TMEM184B: variants seen among roughly 807,000 people sequenced by gnomAD.
TMEM184B encodes the protein transmembrane protein 184B, also known as putative MAPK-activating protein FM08.
In TMEM184B, 17 loss-of-function variants were observed where a neutral mutation model predicts 41.8. That is an observed-to-expected ratio of 0.41 (90% CI 0.28 to 0.61). The LOEUF (loss-of-function observed/expected upper bound fraction) is 0.61. Among genes scored for constraint, TMEM184B ranks in the 20% least tolerant of loss-of-function variants. TMEM184B has a pLI of 0.34. For synonymous variants in TMEM184B, 240 were observed against 229.5 expected (o/e 1.05, Z -0.41); for missense variants, 393 against 557.8 (o/e 0.70, Z 2.98).
chr22:38,247,807 A>C lies in TMEM184B; in HGVS notation c.155T>G (p.Phe52Cys), dbSNP rs1203479339. The change falls in exon 2 of 9, where the codon TTC (phenylalanine) becomes TGC (cysteine). Residue 52 changes from phenylalanine to cysteine, a missense_variant. Coordinates refer to ENST00000361906, the MANE Select transcript of TMEM184B (RefSeq NM_012264.5). The stretch of plus-strand genomic sequence containing the variant: ...GATGAGCAGGGCCGTCCACACGAAG[A>C]AGCCAGAGATGGCCTGAGCGGCAGT... ...MTTAAQAISGFFVWTALLITC... is the reference protein window; with the variant it reads ...MTTAAQAISGCFVWTALLITC... 1.2e-6 allele frequency: 2 copies of C among 1,614,036 alleles called. No individual in the cohort carries two copies. Among genetic ancestry groups the C allele is most frequent in the South Asian group, 2.2e-5 (2 of 91,060 alleles).
intron 3 of TMEM184B, among the ~76,000 whole-genome samples, chr22:38,235,017 A>C (rs1315734929): frequency 6.6e-6 from 1 of 152,204 alleles, no homozygotes. Flanking sequence ...TGCTTTTTCC[A>C]GACTGTAAAC....
At chr22:38,224,677 T>C (rs2091374163) in intron 8 of TMEM184B, 108 bp downstream of exon 8, 1 of 1,169,182 alleles carries the variant, frequency 8.6e-7, no homozygotes, top group Non-Finnish European at 1.2e-6. Context: ...GGGGATCCCA[T>C]GTCCTGACCC....
chr22:38,254,269 A>C (rs1469967249), intron 1 of TMEM184B, among the ~76,000 whole-genome samples: 2 of 151,852 alleles, frequency 1.3e-5, no homozygotes, highest in African/African-American at 4.8e-5. Flanking sequence ...AAAATAGGCA[A>C]AATACATGAA....
rs181433604 is a variant in TMEM184B, at chr22:38,272,024, T to A, written c.-59+860A>T. ...TCTTTCCTTACAAAAGCACCAGCAG[T>A]CAGATAAATAATACATGGCCTTCAC... On this transcript the variant is annotated intron_variant, in intron 1 of 8. Coordinates refer to ENST00000361906, the MANE Select transcript of TMEM184B (RefSeq NM_012264.5). 5.5e-4 allele frequency among the ~76,000 whole-genome samples: 84 copies of A among 152,200 alleles called. 2 individuals are homozygous for A. In the East Asian group the frequency reaches 0.014, roughly 25 times the overall value.
chr22:38,245,710 A>G (rs1472421411), intron 3 of TMEM184B, among the ~76,000 whole-genome samples: 1 of 151,616 alleles, frequency 6.6e-6, no homozygotes, highest in Non-Finnish European at 1.5e-5. Context: ...AGCATTGAGA[A>G]GCGAGACCCA....
chr22:38,261,632 T>C (rs1469738031), intron 1 of TMEM184B, among the ~76,000 whole-genome samples: 1 of 152,200 alleles, frequency 6.6e-6, no homozygotes, highest in Non-Finnish European at 1.5e-5. Context: ...TTCTCTCAAA[T>C]TGAGAACAAT....
At position 38,225,736 on chromosome 22, in the gene TMEM184B, G is replaced by A; in HGVS notation, c.618-143C>T. On this transcript the variant is annotated intron_variant, in intron 6 of 8. Coordinates refer to ENST00000361906, the MANE Select transcript of TMEM184B (RefSeq NM_012264.5). This position sits in a 1 kb window ranked among gnomAD's most constrained non-coding sequence, Gnocchi z 4.4. ...CGAGCCACTGAAGGGGTCAGAATGG[G>A]TGATCAAAGCGACAGACAGGGGTGG... 1.1e-6 allele frequency: 1 copy of A among 932,582 alleles called. No individual in the cohort carries two copies. The highest frequency in any genetic ancestry group is 1.5e-6 in the Non-Finnish European group (1 of 663,894). The allele number at this position is 932,582 out of a possible 1,614,324, so 57.8% of individuals were successfully genotyped here.
intron 3 of TMEM184B, among the ~76,000 whole-genome samples, chr22:38,240,162 G>A (rs773121556): frequency 2.4e-4 from 36 of 152,114 alleles, no homozygotes; most frequent in South Asian, 8.3e-4. Context: ...TAACAAGAAG[G>A]TCAAAGACCA....
At chr22:38,227,149 C>G (rs1244869064) in intron 5 of TMEM184B, among the ~76,000 whole-genome samples, 2 of 151,838 alleles carry the variant, frequency 1.3e-5, no homozygotes, top group Non-Finnish European at 2.9e-5. Context: ...GGAGATGCAG[C>G]CAGCGCAATG....
At chr22:38,264,076 A>G (rs2092410073) in intron 1 of TMEM184B, among the ~76,000 whole-genome samples, 1 of 152,234 alleles carries the variant, frequency 6.6e-6, no homozygotes, top group Non-Finnish European at 1.5e-5. Flanking sequence ...AAGTGCTGGG[A>G]TTACAGGCGT....
chr22:38,244,239 G>A (rs966553132), intron 3 of TMEM184B, among the ~76,000 whole-genome samples: 8 of 152,088 alleles, frequency 5.3e-5, no homozygotes, highest in Non-Finnish European at 7.4e-5. Flanking sequence ...CCAGCTGCTT[G>A]GGGGATGAGC....
chr22:38,239,712 A>T lies in TMEM184B; in HGVS notation c.358+6223T>A, dbSNP rs1408956696. On this transcript the variant is annotated intron_variant, in intron 3 of 8. Coordinates refer to ENST00000361906, the MANE Select transcript of TMEM184B (RefSeq NM_012264.5). The surrounding 1 kb of genome is among the most constrained non-coding windows in gnomAD (Gnocchi z 4.6). ...GCAGTAATGGGACAACTTGGAGAAAATCCAAAGACTAAGCCTGAATACGAA... is the reference window on the plus strand; with the variant it reads ...GCAGTAATGGGACAACTTGGAGAAATTCCAAAGACTAAGCCTGAATACGAA... Among the ~76,000 whole-genome samples the T allele has an allele frequency of 6.6e-6, 1 of 152,204 alleles. No homozygotes were observed. Among genetic ancestry groups the T allele is most frequent in the Non-Finnish European group, 1.5e-5 (1 of 68,040 alleles).
Position 38,220,231 on chromosome 22 carries a change from G to A in TMEM184B, c.*1238C>T, listed in dbSNP as rs2091221940. 4 of 985,898 alleles carry A rather than the reference G, an allele frequency of 4.1e-6. No individual in the cohort carries two copies. Among genetic ancestry groups the A allele is most frequent in the Non-Finnish European group, 4.8e-6 (4 of 830,066 alleles). 61.1% of individuals were successfully genotyped at this position (985,898 alleles called of 1,614,324 possible). A position where few individuals can be genotyped will look rare whatever the true frequency, so the allele number is the denominator to read the frequency against. On this transcript the variant is annotated 3_prime_UTR_variant, in exon 9 of 9. Transcript: ENST00000361906. ...AGAGGTGTGGAGGGGGAGAGGAGGG[G>A]CTTGGTGGTCCTGACCACTCCTGAG... is the stretch of plus-strand genomic sequence containing the variant.
At chr22:38,246,428 C>T (rs988913901) in intron 2 of TMEM184B, among the ~76,000 whole-genome samples, 1 of 152,244 alleles carries the variant, frequency 6.6e-6, no homozygotes, top group African/African-American at 2.4e-5. Context: ...TTTCCACAAG[C>T]TCCCCAGGGG....
chr22:38,269,469 G>A (rs1418361290), intron 1 of TMEM184B, among the ~76,000 whole-genome samples: 1 of 152,058 alleles, frequency 6.6e-6, no homozygotes, highest in Non-Finnish European at 1.5e-5. Context: ...GCCCACCTCA[G>A]CCTCCCAAAG....
At chr22:38,224,663 G>T in intron 8 of TMEM184B, 122 bp downstream of exon 8, 1 of 983,472 alleles carries the variant, frequency 1.0e-6, no homozygotes, top group Non-Finnish European at 1.4e-6. Context: ...CCTGCATATA[G>T]AGTGGGGATC....
At chr22:38,228,303 G>A (rs1166729324) in intron 5 of TMEM184B, among the ~76,000 whole-genome samples, 2 of 152,248 alleles carry the variant, frequency 1.3e-5, no homozygotes, top group African/African-American at 4.8e-5. Flanking sequence ...ACAGGCTGGT[G>A]TTTCCCTGGG....
At chr22:38,251,783 G>C (rs1355945838) in intron 1 of TMEM184B, among the ~76,000 whole-genome samples, 1 of 152,190 alleles carries the variant, frequency 6.6e-6, no homozygotes, top group Non-Finnish European at 1.5e-5. Context: ...CTCCCGTGGG[G>C]AAAGGGGTGG....
At chr22:38,260,633 C>G (rs1049943952) in intron 1 of TMEM184B, among the ~76,000 whole-genome samples, 1 of 152,080 alleles carries the variant, frequency 6.6e-6, no homozygotes, top group Non-Finnish European at 1.5e-5. Flanking sequence ...AATGGGGAAG[C>G]AGCCATACCT....
Sources: allele counts gnomAD v4.1 joint callset (sites outside exome capture counted in the v4.1 genomes callset), GRCh38; gene constraint gnomAD v4.1.1; non-coding constraint Gnocchi (gnomAD v3.1); transcripts MANE v1.5; gene names NCBI Gene and HGNC (gene_info 2026-07-23, HGNC 2026-07-21).